FBXL6: variants seen among roughly 807,000 people sequenced by gnomAD.
FBXL6 encodes the protein F-box and leucine rich repeat protein 6.
FBXL6 carries 50 observed loss-of-function variants against 53.3 expected under a neutral mutation model. The ratio of observed to expected loss-of-function variants is 0.94; its 90% CI spans 0.75 to 1.19. The LOEUF (loss-of-function observed/expected upper bound fraction) is 1.19, where lower values mean the gene tolerates loss of function less well. Ranked by LOEUF, FBXL6 falls within the 50% of genes most tolerant of loss-of-function variation. The pLI is 0.00. For synonymous variants in FBXL6, 405 were observed against 322.9 expected (o/e 1.25, Z -2.73); for missense variants, 815 against 719.0 (o/e 1.13, Z -1.53).
intron 3 of FBXL6, 113 bp from the exon 4 acceptor site, chr8:144,357,234 C>T (rs1818496821): frequency 1.4e-6 from 2 of 1,448,270 alleles, no homozygotes; most frequent in Non-Finnish European, 1.9e-6. Flanking sequence ...CTGTGACCTC[C>T]TTTCTGCCCA....
Position 144,357,490 on chromosome 8 carries a change from G to C in FBXL6, c.588C>G (p.Leu196=), listed in dbSNP as rs781815063. ...TCCAGTGGATGAGGGTCAGCCTCTG[G>C]AGCTGTGAAAACCTGGGCCGACAGC... ...EWLMPNRFSQ[L]QRLTLIHWKS... is the part of the protein sequence containing the mutation. Residue 196 remains leucine, a synonymous_variant, in exon 3 of 9, where the codon CTC becomes CTG. Coordinates refer to ENST00000331890, the MANE Select transcript of FBXL6 (RefSeq NM_012162.4). 3.7e-6 allele frequency: 6 copies of C among 1,613,442 alleles called. No homozygotes were observed.
chr8:144,355,850 G>C (rs1488545142), intron 8 of FBXL6, 118 bp downstream of exon 8: 12 of 1,538,148 alleles, frequency 7.8e-6, no homozygotes, highest in Non-Finnish European at 1.1e-5. Context: ...GGCTTGGACA[G>C]TATGCATGCC....
intron 3 of FBXL6, 37 bp from the exon 4 acceptor site, chr8:144,357,158 C>A (rs1318355647): frequency 1.2e-6 from 2 of 1,611,370 alleles, no homozygotes; most frequent in Non-Finnish European, 1.7e-6. Context: ...GGTTGGGAGA[C>A]GACAGGCTAA....
In FBXL6 at chr8:144,358,214, C is replaced by T. The variant is rs1259163281; in HGVS notation, c.234G>A (p.Ala78=). 2 of 1,219,624 alleles carry T rather than the reference C, an allele frequency of 1.6e-6. No individual in the cohort carries two copies. The highest frequency in any genetic ancestry group is 4.4e-5 in the Admixed American group (1 of 22,826). 75.6% of individuals were successfully genotyped at this position (1,219,624 alleles called of 1,614,324 possible). The change falls in exon 1 of 9, where the codon GCG becomes GCA. Residue 78 remains alanine, a synonymous_variant. Coordinates refer to ENST00000331890, the MANE Select transcript of FBXL6 (RefSeq NM_012162.4). ...PRQPPRGPSA[A]AKPKAGLRSE... ...ACCTGAGCCCGGCCTTGGGCTTGGC[C>T]GCGGCGCTGGGGCCCCGGGGCGGCT...
chr8:144,356,687 G>C lies in FBXL6; in HGVS notation c.906C>G (p.Val302=). 6.2e-7 allele frequency: 1 copy of C among 1,612,598 alleles called. No homozygotes were observed. The highest frequency in any genetic ancestry group is 8.5e-7 in the Non-Finnish European group (1 of 1,179,984). The change falls in exon 6 of 9, where the codon GTC becomes GTG. Residue 302 remains valine, a synonymous_variant. Transcript: ENST00000331890. The stretch of plus-strand genomic sequence containing the variant: ...GGTTGATGCCGGTGCTCACCTCCAG[G>C]ACCTGGAGCTGGGGGCAGCAGCTGC... ...LLGSCCPQLQ[V]LEVSTGINRN...
chr8:144,355,433 C>T lies in FBXL6; in HGVS notation c.*98G>A, dbSNP rs1337458995. On this transcript the variant is annotated 3_prime_UTR_variant, in exon 9 of 9. Transcript: ENST00000331890. The stretch of plus-strand genomic sequence containing the variant: ...CCTGAGGACCACACACACAGAACTC[C>T]TAAAAATGTTTTATTTTAACAAAAT... The T allele has an allele frequency of 3.2e-6, 5 of 1,539,402 alleles. No homozygotes were observed. The African/African-American group carries it at 5.5e-5, about 17-fold the overall frequency.
At position 144,356,643 on chromosome 8, in the gene FBXL6, T is replaced by C. The variant is rs1554852871; in HGVS notation, c.950A>G (p.Gln317Arg). Residue 317 changes from glutamine to arginine, a missense_variant, in exon 6 of 9, where the codon CAG (glutamine) becomes CGG (arginine). Transcript: ENST00000331890. ...TGINRNSIPL[Q>R]LPVEALQKGC... ...TTTCTGCAGAGCCTCGACAGGCAGCTGAAGGGGAATGCTATTACGGTTGAT... is the reference window on the plus strand; with the variant it reads ...TTTCTGCAGAGCCTCGACAGGCAGCCGAAGGGGAATGCTATTACGGTTGAT... The C allele has an allele frequency of 6.2e-7, 1 of 1,612,624 alleles. No individual in the cohort carries two copies. Among genetic ancestry groups the C allele is most frequent in the African/African-American group, 1.3e-5 (1 of 74,770 alleles).
At position 144,355,627 on chromosome 8, in the gene FBXL6, G is replaced by C. The variant is rs1554852562; in HGVS notation, c.1524C>G (p.Cys508Trp). ...PGLLYLNLES[C>W]RCLPRGLKRA... ...GCTTCAGACCCCGGGGAAGGCAGCG[G>C]CAGGACTCCAGGTTGAGGTAGAGCA... The change falls in exon 9 of 9, where the codon TGC (cysteine) becomes TGG (tryptophan). Residue 508 changes from cysteine to tryptophan, a missense_variant. Physicochemically the swap from Cys to Trp is radical, Grantham distance 215 (BLOSUM62 -2). Coordinates refer to ENST00000331890, the MANE Select transcript of FBXL6 (RefSeq NM_012162.4). 5 of 1,611,208 alleles carry C rather than the reference G, an allele frequency of 3.1e-6. No individual in the cohort carries two copies. Among genetic ancestry groups the C allele is most frequent in the Non-Finnish European group, 4.2e-6 (5 of 1,179,918 alleles).
rs530584730 is a variant in FBXL6, at chr8:144,357,269, G to T, written c.640-148C>A. ...ATGCCAGGCCTACTTGGGTGTCCCC[G>T]CCTCTGATACCTCCCTGCTGGAGGA... On this transcript the variant is annotated intron_variant, in intron 3 of 8. Transcript: ENST00000331890. The T allele has an allele frequency of 4.6e-5, 59 of 1,279,164 alleles. 1 individual carries two copies. The Admixed American group carries it at 1.3e-3, about 28-fold the overall frequency. 79.2% of individuals were successfully genotyped at this position (1,279,164 alleles called of 1,614,324 possible).
In FBXL6 at chr8:144,356,870, G is replaced by A. The variant is rs199834148; in HGVS notation, c.817C>T (p.Arg273Ter). Residue 273 changes from arginine (R) to a stop codon, truncating the protein, a stop_gained, in exon 5 of 9, where the codon CGA becomes TGA. Transcript: ENST00000331890. LOFTEE classifies it high-confidence loss of function. ...TAGGTCAGCCACAACTTGCGCATTC[G>A]GGACCCTGCCTCCTCCAAGAAGCTC... is the stretch of plus-strand genomic sequence containing the variant. ...VVSFLEEAGS[R>*]MRKLWLTYSS... is the part of the protein sequence containing the mutation. 136 of 1,613,264 alleles carry A rather than the reference G, an allele frequency of 8.4e-5. No individual in the cohort carries two copies. Among genetic ancestry groups the A allele is most frequent in the Middle Eastern group, 3.3e-4 (2 of 6,084 alleles).
rs1554852992 is a variant in FBXL6, at chr8:144,357,003, A to T, written c.758T>A (p.Leu253Gln). 6.2e-7 allele frequency: 1 copy of T among 1,613,006 alleles called. No individual in the cohort carries two copies. Among genetic ancestry groups the T allele is most frequent in the Admixed American group, 1.7e-5 (1 of 60,024 alleles). The part of the protein sequence containing the change: ...KACCQLHSLD[L>Q]QHSMVESTAV... ...CACAGGGCTCACCATGGAGTGCTGT[A>T]GGTCCAGGCTATGGAGCTGGCAGCA... The change falls in exon 4 of 9, where the codon CTA becomes CAA. Residue 253 changes from leucine to glutamine, a missense_variant. Transcript: ENST00000331890.
In FBXL6 at chr8:144,358,228, C is replaced by G; in HGVS notation, c.220G>C (p.Gly74Arg). 1.7e-6 allele frequency: 2 copies of G among 1,207,968 alleles called. No homozygotes were observed. The highest frequency in any genetic ancestry group is 2.1e-6 in the Non-Finnish European group (2 of 972,440). The allele number at this position is 1,207,968 out of a possible 1,614,324, so 74.8% of individuals were successfully genotyped here. ...TTGGGCTTGGCCGCGGCGCTGGGGC[C>G]CCGGGGCGGCTGCCGGGGAGTGCGG... ...SRRTPRQPPR[G>R]PSAAAKPKAG... Residue 74 changes from glycine to arginine, a missense_variant, in exon 1 of 9, where the codon GGC becomes CGC. Physicochemically the swap from Gly to Arg is moderately radical, Grantham distance 125 (BLOSUM62 -2). Transcript: ENST00000331890.
At position 144,357,126 on chromosome 8, in the gene FBXL6, G is replaced by A. The variant is rs1554853024; in HGVS notation, c.640-5C>T. On this transcript the variant is annotated splice_region_variant and splice_polypyrimidine_tract_variant and intron_variant, in intron 3 of 8. Transcript: ENST00000331890. Reference sequence around the variant, plus strand: ...AGGACAGCACTCACCTACCAGCTGCGGGGAGACAGAGGGGCAGCTGGGGTT... The same window carrying A: ...AGGACAGCACTCACCTACCAGCTGCAGGGAGACAGAGGGGCAGCTGGGGTT... 3 of 1,612,772 alleles carry A rather than the reference G, an allele frequency of 1.9e-6. No homozygotes were observed. Among genetic ancestry groups the A allele is most frequent in the Non-Finnish European group, 1.7e-6 (2 of 1,179,932 alleles).
chr8:144,357,417 C>A (rs782414612), intron 3 of FBXL6, 22 bp downstream of exon 3: 1 of 1,606,450 alleles, frequency 6.2e-7, no homozygotes, highest in East Asian at 2.2e-5. Flanking sequence ...AGCTGATGTG[C>A]AGGACAGCCT....
Position 144,355,672 on chromosome 8 carries a change from C to T in FBXL6, c.1479G>A (p.Val493=). ...TRVTPSTVSS[V]ISGCPGLLYL... ...AGAGCAGGCCCGGGCAGCCGCTGAT[C>T]ACAGAGCTGTGGGGAGGGCAGACCA... The change falls in exon 9 of 9, where the codon GTG becomes GTA. Residue 493 remains valine, a synonymous_variant. Coordinates refer to ENST00000331890, the MANE Select transcript of FBXL6 (RefSeq NM_012162.4). The T allele has an allele frequency of 6.2e-7, 1 of 1,610,656 alleles. No homozygotes were observed. The highest frequency in any genetic ancestry group is 8.5e-7 in the Non-Finnish European group (1 of 1,179,772).
At position 144,358,373 on chromosome 8, in the gene FBXL6, C is replaced by T; in HGVS notation, c.75G>A (p.Trp25Ter). Residue 25 changes from tryptophan (W) to a stop codon, truncating the protein, a stop_gained, in exon 1 of 9, where the codon TGG (tryptophan) becomes TGA (stop). Transcript: ENST00000331890. LOFTEE classifies it high-confidence loss of function. ...CCCTCGGCGCCAGCCGGTCCCACCACCAGTCCTCGGCCGAGCGGGGCCGCG... is the reference window on the plus strand; with the variant it reads ...CCCTCGGCGCCAGCCGGTCCCACCATCAGTCCTCGGCCGAGCGGGGCCGCG... ...AAPRPRSAED[W>*]WWDRLAPRGS... 1.6e-6 allele frequency: 2 copies of T among 1,268,110 alleles called. No individual in the cohort carries two copies. Among genetic ancestry groups the T allele is most frequent in the Non-Finnish European group, 2.0e-6 (2 of 1,008,054 alleles). 78.6% of individuals were successfully genotyped at this position (1,268,110 alleles called of 1,614,324 possible).
rs782076645 is a variant in FBXL6 at position 144,357,067 on chromosome 8, C to G, written c.694G>C (p.Gly232Arg). 1.2e-6 allele frequency: 2 copies of G among 1,612,922 alleles called. No individual in the cohort carries two copies. The highest frequency in any genetic ancestry group is 1.7e-5 in the Admixed American group (1 of 60,012). Residue 232 changes from glycine to arginine, a missense_variant, in exon 4 of 9, where the codon GGT (glycine) becomes CGT (arginine). By Grantham distance (125) the Gly-to-Arg change is moderately radical. Transcript: ENST00000331890. ...ATGACCAGAGCGTCAGCAGTCACAC[C>G]GTGGCAGCCGGAGAGCTTGAGGAAA... ...LTFLKLSGCH[G>R]VTADALVMLA...
chr8:144,358,436 T>C lies in FBXL6; in HGVS notation c.12A>G (p.Pro4=). 8.0e-7 allele frequency: 1 copy of C among 1,243,466 alleles called. No homozygotes were observed. The highest frequency in any genetic ancestry group is 1.0e-6 in the Non-Finnish European group (1 of 994,200). 77.0% of individuals were successfully genotyped at this position (1,243,466 alleles called of 1,614,324 possible). A position where few individuals can be genotyped will look rare whatever the true frequency, so the allele number is the denominator to read the frequency against. ...CTCTGCGTCGGACCTGCCGGGAGGC[T>C]GGGGCAGCCATGACCACCGACGGCG... MAA[P]ASRQVRRRAR... The change falls in exon 1 of 9, where the codon CCA becomes CCG. Residue 4 remains proline (P), a synonymous_variant. Transcript: ENST00000331890.
Position 144,356,229 on chromosome 8 carries a change from G to C in FBXL6, c.1226-15C>G, listed in dbSNP as rs564538737. 6.2e-7 allele frequency: 1 copy of C among 1,611,740 alleles called. No individual in the cohort carries two copies. On this transcript the variant is annotated splice_polypyrimidine_tract_variant and intron_variant, in intron 7 of 8. Transcript: ENST00000331890. ...CTGCTCCAGCTCTGCAGTGAAAGGA[G>C]TGAGCATAAGCTACAAGGTGACAAG...
Sources: allele counts gnomAD v4.1 joint callset, GRCh38; gene constraint gnomAD v4.1.1; transcripts MANE v1.5; gene names NCBI Gene and HGNC (gene_info 2026-07-23, HGNC 2026-07-21).